JAK2: variants seen among roughly 807,000 people sequenced by gnomAD.
JAK2 encodes tyrosine-protein kinase JAK2.
A neutral mutation model predicts 139.3 loss-of-function variants in JAK2; 86 were observed. The ratio of observed to expected loss-of-function variants is 0.62; its 90% CI spans 0.52 to 0.74. JAK2 has a LOEUF of 0.74. JAK2 is among the 30% of genes least tolerant of loss of function. The pLI is 0.00. For missense variants in JAK2, 1,421 were observed against 1,360.3 expected, an observed-to-expected ratio of 1.04 and a Z score of -0.70; for synonymous variants, 490 against 437.7, an observed-to-expected ratio of 1.12 and a Z score of -1.49.
At chr9:5,022,656 A>G (rs1375104821) in intron 3 of JAK2, among the ~76,000 whole-genome samples, 4 of 152,164 alleles carry the variant, frequency 2.6e-5, no homozygotes, top group Non-Finnish European at 5.9e-5. Flanking sequence ...ATCTTTCCTC[A>G]TATATATTTC....
intron 2 of JAK2, among the ~76,000 whole-genome samples, chr9:5,014,981 A>C (rs569010702): frequency 6.6e-6 from 1 of 152,196 alleles, no homozygotes; most frequent in Admixed American, 6.5e-5. Flanking sequence ...TGCCTAAACA[A>C]TGTACTATTC....
At chr9:5,067,209 G>C (rs1018436678) in intron 10 of JAK2, among the ~76,000 whole-genome samples, 3 of 151,924 alleles carry the variant, frequency 2.0e-5, no homozygotes, top group African/African-American at 7.2e-5. Flanking sequence ...GAGAAAACTA[G>C]GTCAATAACA....
chr9:5,078,406 G>C lies in JAK2; in HGVS notation c.2093G>C (p.Ser698Thr), dbSNP rs2130591292. 6.2e-7 allele frequency: 1 copy of C among 1,613,156 alleles called. No individual in the cohort carries two copies. Among genetic ancestry groups the C allele is most frequent in the Non-Finnish European group, 8.5e-7 (1 of 1,179,380 alleles). Reference sequence around the variant, plus strand: ...GGAAATCCTCCTTTCATCAAACTTAGTGATCCTGGCATTAGTATTACAGTT... The same window carrying C: ...GGAAATCCTCCTTTCATCAAACTTACTGATCCTGGCATTAGTATTACAGTT... ...KTGNPPFIKL[S>T]DPGISITVLP... The change falls in exon 16 of 25, where the codon AGT becomes ACT. Residue 698 changes from serine (S) to threonine (T), a missense_variant. Coordinates refer to ENST00000381652, the MANE Select transcript of JAK2 (RefSeq NM_004972.4).
At chr9:5,112,153 C>T in intron 22 of JAK2, 1 of 300,142 alleles carries the variant, frequency 3.3e-6, no homozygotes, top group Non-Finnish European at 6.7e-6. Context: ...TAGCAACGTG[C>T]ACACGCTGCT....
At chr9:5,041,397 A>G in intron 4 of JAK2, 1 of 628,334 alleles carries the variant, frequency 1.6e-6, no homozygotes, top group East Asian at 3.0e-5. Context: ...AGCCACTGCA[A>G]CAACCTGGAG....
intron 23 of JAK2, chr9:5,125,829 T>G (rs1198882721): frequency 6.6e-6 from 1 of 151,558 alleles, no homozygotes; most frequent in Non-Finnish European, 1.5e-5. Context: ...ATATTTGTAA[T>G]TTTTTTTCCC....
intron 22 of JAK2, among the ~76,000 whole-genome samples, chr9:5,104,279 T>C (rs1043395930): frequency 2.0e-5 from 3 of 152,134 alleles, no homozygotes; most frequent in African/African-American, 7.2e-5. Context: ...GAGAATACTA[T>C]TAACACCTCT....
chr9:5,092,645 C>T (rs1820676275), intron 22 of JAK2, among the ~76,000 whole-genome samples: 1 of 152,116 alleles, frequency 6.6e-6, no homozygotes, highest in Non-Finnish European at 1.5e-5. Context: ...ATACCTTCTG[C>T]ATAAAGTATT....
chr9:5,058,051 C>A (rs559107749), intron 8 of JAK2, among the ~76,000 whole-genome samples: 2 of 152,074 alleles, frequency 1.3e-5, no homozygotes, highest in African/African-American at 4.8e-5. Flanking sequence ...TGTATGTATT[C>A]TGTGTCATGT....
chr9:5,082,606 G>A (rs1166211071), intron 19 of JAK2, among the ~76,000 whole-genome samples: 1 of 152,184 alleles, frequency 6.6e-6, no homozygotes, highest in East Asian at 1.9e-4. Flanking sequence ...GCTGGGGGAC[G>A]GTCAGGTCTT....
intron 22 of JAK2, chr9:5,112,480 C>T (rs1822690353): frequency 5.4e-6 from 3 of 554,012 alleles, no homozygotes; most frequent in African/African-American, 3.9e-5. Flanking sequence ...CCGGACCAGC[C>T]CAGACAAGGA....
At chr9:5,030,259 CATCTT>C (rs1823059975) in intron 4 of JAK2, among the ~76,000 whole-genome samples, 1 of 152,114 alleles carries the variant, frequency 6.6e-6, no homozygotes, top group Non-Finnish European at 1.5e-5. Flanking sequence ...TGCAATTTCA[CATCTT>C]ATCTTTATAA....
chr9:5,000,323 A>G (rs1820857033), intron 2 of JAK2, among the ~76,000 whole-genome samples: 1 of 152,198 alleles, frequency 6.6e-6, no homozygotes, highest in Non-Finnish European at 1.5e-5. Context: ...AAAACATACC[A>G]AGGAAATAGT....
At chr9:5,034,832 A>G (rs995403425) in intron 4 of JAK2, among the ~76,000 whole-genome samples, 4 of 152,154 alleles carry the variant, frequency 2.6e-5, no homozygotes, top group Non-Finnish European at 4.4e-5. Flanking sequence ...AAGAACTAGA[A>G]AACCAAGAGC....
intron 19 of JAK2, among the ~76,000 whole-genome samples, chr9:5,088,648 A>T (rs922046429): frequency 1.3e-5 from 2 of 152,218 alleles, no homozygotes; most frequent in Non-Finnish European, 2.9e-5. Context: ...TAAACATCAG[A>T]CATTTATTTC....
chr9:5,065,887 G>C lies in JAK2; in HGVS notation c.1215-791G>C, dbSNP rs190027872. On this transcript the variant is annotated intron_variant, in intron 9 of 24. Coordinates refer to ENST00000381652, the MANE Select transcript of JAK2 (RefSeq NM_004972.4). ...TACATCTTGGGTAATATAAAGAGTT[G>C]ATTTAGTCTATGCTTAATATTTATT... is the stretch of plus-strand genomic sequence containing the variant. Among the ~76,000 whole-genome samples, 26 of 152,194 alleles carry C rather than the reference G, an allele frequency of 1.7e-4. 1 individual carries two copies. In the East Asian group the frequency reaches 4.8e-3, roughly 28 times the overall value.
upstream of JAK2, chr9:4,984,740 G>C (rs1819840064): frequency 1.3e-5 from 2 of 152,382 alleles, no homozygotes; most frequent in African/African-American, 2.4e-5. Flanking sequence ...CTCCAGTGCA[G>C]GCTGCGCGCT....
chr9:5,041,624 C>T, intron 4 of JAK2: 1 of 499,542 alleles, frequency 2.0e-6, no homozygotes, highest in Non-Finnish European at 4.0e-6. Context: ...ACATGCGGCG[C>T]CTGGACTTTG....
At chr9:5,111,602 G>A in intron 22 of JAK2, 1 of 368,150 alleles carries the variant, frequency 2.7e-6, no homozygotes, top group Non-Finnish European at 5.3e-6. Context: ...GAGTTCCCTG[G>A]GCCAGGTGGG....
Sources: gnomAD v4.1 joint callset for allele counts (sites outside exome capture counted in the v4.1 genomes callset) on GRCh38, gnomAD v4.1.1 for gene constraint, MANE v1.5 for transcripts, NCBI Gene and HGNC (gene_info 2026-07-23, HGNC 2026-07-21) for gene names.